The following TPR variants were observed in gnomAD, a reference collection of about 807,000 sequenced individuals.
TPR encodes translocated promoter region, nuclear basket protein.
Under a neutral mutation model 316.1 loss-of-function variants are expected in TPR, and 51 were observed. The observed-to-expected ratio is 0.16, with a 90% CI of 0.13 to 0.20. The LOEUF is 0.20. Ranked by LOEUF, TPR falls within the 10% of genes least tolerant of loss-of-function variation. The pLI is 1.00. For missense variants in TPR, 2,272 were observed against 2,754.8 expected, an observed-to-expected ratio of 0.82 and a Z score of 3.92; for synonymous variants, 981 against 914.7, an observed-to-expected ratio of 1.07 and a Z score of -1.31.
intron 3 of TPR, among the ~76,000 whole-genome samples, chr1:186,368,297 T>C (rs945077376): frequency 1.6e-4 from 25 of 152,186 alleles, no homozygotes; most frequent in African/African-American, 6.0e-4. Context: ...TTCCTAAAAA[T>C]TGAATTACTT....
chr1:186,341,223 C>A (rs1293986103), intron 28 of TPR, 29 bp downstream of exon 28: 6 of 1,613,330 alleles, frequency 3.7e-6, no homozygotes, highest in Non-Finnish European at 5.1e-6. Flanking sequence ...AAACAACATG[C>A]TTCCACTCTT....
chr1:186,319,371 TAAGA>T (rs1657706659), intron 46 of TPR, among the ~76,000 whole-genome samples: 3 of 152,170 alleles, frequency 2.0e-5, no homozygotes, highest in Non-Finnish European at 4.4e-5. Context: ...AAAATGCTCT[TAAGA>T]GTTTCATACA....
chr1:186,367,868 A>T lies in TPR; in HGVS notation c.427+18T>A, dbSNP rs1399985643. The T allele has an allele frequency of 6.4e-7, 1 of 1,553,972 alleles. No homozygotes were observed. The highest frequency in any genetic ancestry group is 8.9e-7 in the Non-Finnish European group (1 of 1,129,326). Reference sequence around the variant, plus strand: ...AAATAAAGGAATGGAGCTAAAAGCTACAAGCACTTCTTCATACCTGTTAAG... The same window carrying T: ...AAATAAAGGAATGGAGCTAAAAGCTTCAAGCACTTCTTCATACCTGTTAAG... On this transcript the variant is annotated intron_variant, in intron 4 of 50. Transcript: ENST00000367478.
chr1:186,339,011 G>A (rs1477787102), intron 30 of TPR, among the ~76,000 whole-genome samples: 4 of 152,158 alleles, frequency 2.6e-5, no homozygotes, highest in African/African-American at 9.7e-5. Flanking sequence ...ATGGGACCAT[G>A]ATATGGACAA....
In TPR at chr1:186,313,899, T is replaced by G; in HGVS notation, c.*72A>C. On this transcript the variant is annotated 3_prime_UTR_variant, in exon 51 of 51. Coordinates refer to ENST00000367478, the MANE Select transcript of TPR (RefSeq NM_003292.3). ...TACCAGTTTATATATAAAAATGTTT[T>G]TAAACTTGACAATCATTACACTAAA... 1.3e-6 allele frequency: 2 copies of G among 1,554,762 alleles called. No homozygotes were observed. Among genetic ancestry groups the G allele is most frequent in the Non-Finnish European group, 1.8e-6 (2 of 1,128,232 alleles).
At chr1:186,320,635 A>T (rs1455387802) in intron 45 of TPR, among the ~76,000 whole-genome samples, 1 of 152,192 alleles carries the variant, frequency 6.6e-6, no homozygotes, top group Non-Finnish European at 1.5e-5. Context: ...ATAACCTGTG[A>T]TTTATATGTA....
intron 36 of TPR, among the ~76,000 whole-genome samples, chr1:186,334,064 A>C (rs1658266652): frequency 6.6e-6 from 1 of 152,182 alleles, no homozygotes; most frequent in Non-Finnish European, 1.5e-5. Context: ...AAAGCAATGA[A>C]ATGGTCAGTT....
At chr1:186,318,942 C>T in intron 46 of TPR, 114 bp from the exon 47 acceptor site, 2 of 958,374 alleles carry the variant, frequency 2.1e-6, no homozygotes, top group Non-Finnish European at 3.1e-6. Flanking sequence ...TTACTAAAGT[C>T]CACGATTTAA....
chr1:186,364,208 G>T (rs1659270901), intron 4 of TPR, among the ~76,000 whole-genome samples: 1 of 151,896 alleles, frequency 6.6e-6, no homozygotes, highest in Non-Finnish European at 1.5e-5. Context: ...TAACAACATG[G>T]GATCCATAAG....
chr1:186,346,342 C>A (rs35942197), intron 22 of TPR, 55 bp from the exon 23 acceptor site: 153,435 of 1,481,146 alleles, frequency 0.1, 10,410 homozygotes, highest in East Asian at 0.4. Flanking sequence ...TAAAGTCATA[C>A]AATTATTTTC....
Position 186,313,665 on chromosome 1 carries a change from T to C in TPR, c.*306A>G. The stretch of plus-strand genomic sequence containing the variant: ...GTTTTCTTTTTAACTAAAAAAATGT[T>C]TTCTCTTCCATTTAGATCAATACTA... On this transcript the variant is annotated 3_prime_UTR_variant, in exon 51 of 51. Transcript: ENST00000367478. 6.7e-6 allele frequency: 10 copies of C among 1,500,596 alleles called. No homozygotes were observed. The highest frequency in any genetic ancestry group is 9.3e-6 in the Non-Finnish European group (10 of 1,077,450). 93.0% of individuals were successfully genotyped at this position (1,500,596 alleles called of 1,614,324 possible). A position where few individuals can be genotyped will look rare whatever the true frequency, so the allele number is the denominator to read the frequency against.
At chr1:186,370,728 T>C (rs1378790045) in intron 3 of TPR, among the ~76,000 whole-genome samples, 1 of 152,162 alleles carries the variant, frequency 6.6e-6, no homozygotes, top group Non-Finnish European at 1.5e-5. Flanking sequence ...ACATTTGATA[T>C]AATACCTGGA....
chr1:186,344,371 A>T lies in TPR; in HGVS notation c.3417+4T>A. The stretch of plus-strand genomic sequence containing the variant: ...GAACATTCTATTCAGATTTACAATA[A>T]TACCTTTAACATTCTCTCTCTTTCC... On this transcript the variant is annotated splice_donor_region_variant and intron_variant, in intron 25 of 50. Coordinates refer to ENST00000367478, the MANE Select transcript of TPR (RefSeq NM_003292.3). 6.2e-7 allele frequency: 1 copy of T among 1,612,386 alleles called. No homozygotes were observed. Among genetic ancestry groups the T allele is most frequent in the South Asian group, 1.1e-5 (1 of 90,708 alleles).
Position 186,371,019 on chromosome 1 carries a change from T to A in TPR, c.281A>T (p.Glu94Val), listed in dbSNP as rs1659508161. Reference protein sequence around the residue: ...KLNNQLKALTEKNKELEIAQD... With the variant: ...KLNNQLKALTVKNKELEIAQD... ...AGCAATTTCAAGTTCTTTGTTTTTC[T>A]CAGTTAGTGCCTTCAGTTGATTGTC... Residue 94 changes from glutamate (E) to valine (V), a missense_variant, in exon 3 of 51, where the codon GAG becomes GTG. Glu to Val is a moderately radical substitution (Grantham distance 121). Around this residue, in one of 10 missense-constraint regions of TPR, gnomAD observed 549 missense variants for 598.6 expected, o/e 0.92. Transcript: ENST00000367478. 6.2e-7 allele frequency: 1 copy of A among 1,612,928 alleles called. No homozygotes were observed. Among genetic ancestry groups the A allele is most frequent in the African/African-American group, 1.3e-5 (1 of 74,908 alleles).
intron 37 of TPR, among the ~76,000 whole-genome samples, chr1:186,332,563 AAT>A (rs1658198226): frequency 6.6e-6 from 1 of 152,158 alleles, no homozygotes; most frequent in South Asian, 2.1e-4. Flanking sequence ...GCTCTGAGTC[AAT>A]GTTTTTATAC....
chr1:186,346,175 T>C lies in TPR; in HGVS notation c.3056A>G (p.Gln1019Arg). Residue 1019 changes from glutamine to arginine, a missense_variant, in exon 23 of 51, where the codon CAG (glutamine) becomes CGG (arginine). By Grantham distance (43) the Gln-to-Arg change is conservative. Coordinates refer to ENST00000367478, the MANE Select transcript of TPR (RefSeq NM_003292.3). ...CTCTATGGCTCTTCTTTTATCATCC[T>C]GAAGTTCTTGTTTTTCCTTCTCTAC... ...MEVEKEKQEL[Q>R]DDKRRAIESM... 6.2e-7 allele frequency: 1 copy of C among 1,613,290 alleles called. No individual in the cohort carries two copies. Among genetic ancestry groups the C allele is most frequent in the South Asian group, 1.1e-5 (1 of 91,020 alleles).
intron 37 of TPR, 41 bp downstream of exon 37, chr1:186,333,081 T>C (rs1365509511): frequency 1.3e-6 from 2 of 1,597,318 alleles, no homozygotes; most frequent in Non-Finnish European, 1.7e-6. Flanking sequence ...ATCTTATAAA[T>C]GCATAGGTCT....
At chr1:186,363,781 T>C (rs901334464) in intron 4 of TPR, among the ~76,000 whole-genome samples, 1 of 152,122 alleles carries the variant, frequency 6.6e-6, no homozygotes, top group South Asian at 2.1e-4. Flanking sequence ...TTTACTACCA[T>C]TAAAATATGC....
At chr1:186,352,275 A>C (rs1453962383) in intron 18 of TPR, among the ~76,000 whole-genome samples, 165 bp from the exon 19 acceptor site, 1 of 152,194 alleles carries the variant, frequency 6.6e-6, no homozygotes, top group African/African-American at 2.4e-5. Context: ...CATGTGCTAA[A>C]ATACGAAGCA....
Sources: allele counts gnomAD v4.1 joint callset (sites outside exome capture counted in the v4.1 genomes callset), GRCh38; gene constraint gnomAD v4.1.1; regional missense constraint gnomAD v4.1.1; transcripts MANE v1.5; gene names NCBI Gene and HGNC (gene_info 2026-07-23, HGNC 2026-07-21).